Variants in RIN2 observed in about 807,000 individuals in gnomAD.
The protein encoded by RIN2 is Ras and Rab interactor 2, also known as RAB5 interacting protein 2.
Under a neutral mutation model 78.0 loss-of-function variants are expected in RIN2, and 36 were observed. The observed-to-expected ratio is 0.46, with a 90% confidence interval of 0.35 to 0.61. RIN2 has a LOEUF of 0.61. RIN2 is among the 20% of genes least tolerant of loss of function. The pLI is 0.00. For synonymous variants in RIN2, 466 were observed against 466.8 expected (o/e 1.00, Z 0.02); for missense variants, 1,087 against 1,159.7 (o/e 0.94, Z 0.91).
chr20:19,834,495 G>A (rs1269936009), intron 2 of RIN2, among the ~76,000 whole-genome samples: 1 of 152,092 alleles, frequency 6.6e-6, no homozygotes, highest in Non-Finnish European at 1.5e-5. Flanking sequence ...CTCCCACCCA[G>A]TGCGACGCTC....
Position 19,975,170 on chromosome 20 carries a change from C to T in RIN2, c.1145C>T (p.Pro382Leu), listed in dbSNP as rs1197043473. The change falls in exon 9 of 13, where the codon CCG becomes CTG. Residue 382 changes from proline to leucine, a missense_variant. Pro to Leu is a moderately conservative substitution (Grantham distance 98, BLOSUM62 -3). This residue lies in a region of RIN2 where 706 missense variants were observed against 667.5 expected (regional missense o/e 1.06). Coordinates refer to ENST00000255006, the MANE Select transcript of RIN2 (RefSeq NM_018993.4). This position sits in a 1 kb window ranked among gnomAD's most constrained non-coding sequence, Gnocchi z 4.9. ...GGAKTLSGGR[P>L]GAGPELELGT... ...GCAAAGACCTTGAGCGGCGGCCGGC[C>T]GGGCGCAGGCCCGGAGCTGGAGCTG... is the stretch of plus-strand genomic sequence containing the variant. 3 of 1,610,990 alleles carry T rather than the reference C, an allele frequency of 1.9e-6. No homozygotes were observed. Among genetic ancestry groups the T allele is most frequent in the African/African-American group, 1.3e-5 (1 of 74,866 alleles).
chr20:19,942,176 G>A (rs1435252974), intron 4 of RIN2, among the ~76,000 whole-genome samples: 1 of 151,600 alleles, frequency 6.6e-6, no homozygotes, highest in Non-Finnish European at 1.5e-5. Context: ...CCATGAGAGT[G>A]GAGCCTGAAG....
At chr20:19,963,716 G>A (rs1303592774) in intron 6 of RIN2, among the ~76,000 whole-genome samples, 4 of 152,084 alleles carry the variant, frequency 2.6e-5, no homozygotes, top group Admixed American at 1.3e-4. Context: ...CAAATGTTTA[G>A]AGGAATATCA....
At chr20:19,778,938 G>A (rs1190602573) in intron 1 of RIN2, among the ~76,000 whole-genome samples, 3 of 152,158 alleles carry the variant, frequency 2.0e-5, no homozygotes, top group Non-Finnish European at 4.4e-5. Context: ...CAGCGTCGGA[G>A]CATCTGGGTC....
chr20:19,950,282 G>A (rs1568650704), intron 4 of RIN2, among the ~76,000 whole-genome samples: 1 of 152,158 alleles, frequency 6.6e-6, no homozygotes, highest in Admixed American at 6.5e-5. Flanking sequence ...TCACATGTGG[G>A]TCTCACTGTA....
chr20:19,816,575 C>CT (rs2035774212), intron 2 of RIN2, among the ~76,000 whole-genome samples: 1 of 152,132 alleles, frequency 6.6e-6, no homozygotes, highest in African/African-American at 2.4e-5. Flanking sequence ...AGGCCTCGGG[C>CT]TTTTTACGTG....
At chr20:19,839,109 G>A (rs2036506483) in intron 2 of RIN2, among the ~76,000 whole-genome samples, 1 of 152,206 alleles carries the variant, frequency 6.6e-6, no homozygotes, top group African/African-American at 2.4e-5. Context: ...GCGCCTCATG[G>A]ATGTTCCCTG....
intron 3 of RIN2, among the ~76,000 whole-genome samples, chr20:19,923,167 C>A (rs1292057410): frequency 4.6e-5 from 7 of 152,252 alleles, no homozygotes; most frequent in Admixed American, 6.5e-5. Context: ...CCTGTAATCG[C>A]AGCACTTTGG....
At chr20:19,815,223 G>A (rs929731028) in intron 2 of RIN2, among the ~76,000 whole-genome samples, 1 of 152,164 alleles carries the variant, frequency 6.6e-6, no homozygotes, top group African/African-American at 2.4e-5. Flanking sequence ...GTGTTCCTAG[G>A]TAATTCATTA....
At chr20:19,996,432 G>A (rs768676146) in intron 11 of RIN2, among the ~76,000 whole-genome samples, 1 of 152,208 alleles carries the variant, frequency 6.6e-6, no homozygotes, top group Non-Finnish European at 1.5e-5. Flanking sequence ...AGCCTGGCTT[G>A]TCTGTGCCCC....
intron 2 of RIN2, among the ~76,000 whole-genome samples, chr20:19,864,227 T>A (rs971753471): frequency 3.9e-5 from 6 of 152,090 alleles, no homozygotes; most frequent in Non-Finnish European, 8.8e-5. Flanking sequence ...GGTGGCACTG[T>A]TTAGTTTGCA....
chr20:19,990,430 A>G, intron 10 of RIN2, 119 bp downstream of exon 10: 2 of 947,970 alleles, frequency 2.1e-6, no homozygotes, highest in Non-Finnish European at 3.1e-6. Context: ...TGATTTCACC[A>G]AGTGGCTTAC....
At chr20:19,931,161 T>A (rs1216137738) in intron 3 of RIN2, among the ~76,000 whole-genome samples, 1 of 152,230 alleles carries the variant, frequency 6.6e-6, no homozygotes, top group Non-Finnish European at 1.5e-5. Context: ...ATTTCTCCTG[T>A]CTAGAGGTAA....
chr20:19,980,951 C>T (rs2042433716), intron 9 of RIN2, among the ~76,000 whole-genome samples: 1 of 152,214 alleles, frequency 6.6e-6, no homozygotes, highest in African/African-American at 2.4e-5. Flanking sequence ...CAGCCACCTC[C>T]TCTGTAGAGT....
chr20:19,869,323 G>A (rs1313450993), intron 2 of RIN2, among the ~76,000 whole-genome samples: 2 of 152,226 alleles, frequency 1.3e-5, no homozygotes, highest in African/African-American at 4.8e-5. Context: ...AAACTTGAGA[G>A]GAAGGGTTTC....
At chr20:19,841,443 G>A (rs956352589) in intron 2 of RIN2, among the ~76,000 whole-genome samples, 1 of 152,078 alleles carries the variant, frequency 6.6e-6, no homozygotes, top group Non-Finnish European at 1.5e-5. Context: ...GCCAGCTTAT[G>A]GAATTAAAAA....
At chr20:19,787,053 A>C (rs574082770) in intron 1 of RIN2, among the ~76,000 whole-genome samples, 1 of 152,304 alleles carries the variant, frequency 6.6e-6, no homozygotes, top group Admixed American at 6.5e-5. Context: ...AGGATTTCTA[A>C]TGAAACCCAA....
rs78282627 is a variant in RIN2, at chr20:19,972,367, C to T, written c.628+1438C>T. Among the ~76,000 whole-genome samples, 583 of 152,262 alleles carry T rather than the reference C, an allele frequency of 3.8e-3. 1 individual carries two copies. Among genetic ancestry groups the T allele is most frequent in the African/African-American group, 0.013 (521 of 41,556 alleles). ...CCACAGGCTTAGTGAGTGCATAGTG[C>T]TGAGTCTGAAGGACTAAAGTGTCAA... On this transcript the variant is annotated intron_variant, in intron 8 of 12. Coordinates refer to ENST00000255006, the MANE Select transcript of RIN2 (RefSeq NM_018993.4).
At chr20:19,920,022 C>T (rs888562892) in intron 3 of RIN2, among the ~76,000 whole-genome samples, 7 of 152,100 alleles carry the variant, frequency 4.6e-5, no homozygotes, top group African/African-American at 1.7e-4. Flanking sequence ...AGGCCGGGCG[C>T]AGTGGCTCAC....
Sources: allele counts gnomAD v4.1 joint callset (sites outside exome capture counted in the v4.1 genomes callset), GRCh38; gene constraint gnomAD v4.1.1; regional missense constraint gnomAD v4.1.1; non-coding constraint Gnocchi (gnomAD v3.1); transcripts MANE v1.5; gene names NCBI Gene and HGNC (gene_info 2026-07-23, HGNC 2026-07-21).